The following BCKDHB variants were observed in gnomAD, a reference collection of about 807,000 sequenced individuals.
BCKDHB encodes branched chain keto acid dehydrogenase E1 subunit beta, also known as 2-oxoisovalerate dehydrogenase subunit beta, mitochondrial.
Under a neutral mutation model 48.5 loss-of-function variants are expected in BCKDHB, and 41 were observed. That is an observed-to-expected ratio of 0.85 (90% CI 0.66 to 1.10). BCKDHB has a LOEUF of 1.10. Among genes scored for constraint, BCKDHB ranks in the 50% least tolerant of loss-of-function variants. BCKDHB has a pLI of 0.00. For synonymous variants in BCKDHB, 201 were observed against 174.8 expected, an observed-to-expected ratio of 1.15 and a Z score of -1.18; for missense variants, 496 against 494.2, an observed-to-expected ratio of 1.00 and a Z score of -0.03.
At chr6:80,139,363 C>G (rs1389476578) in intron 3 of BCKDHB, among the ~76,000 whole-genome samples, 2 of 152,118 alleles carry the variant, frequency 1.3e-5, no homozygotes, top group South Asian at 4.1e-4. Context: ...GTGTTTTAGA[C>G]ATGAAGTCCT....
At chr6:80,114,008 A>G (rs1769552230) in intron 1 of BCKDHB, among the ~76,000 whole-genome samples, 1 of 152,200 alleles carries the variant, frequency 6.6e-6, no homozygotes, top group Non-Finnish European at 1.5e-5. Flanking sequence ...GGAGGGGATC[A>G]ATCAAAGGTA....
intron 8 of BCKDHB, among the ~76,000 whole-genome samples, chr6:80,209,644 A>T (rs1260468235): frequency 6.6e-6 from 1 of 151,994 alleles, no homozygotes; most frequent in Non-Finnish European, 1.5e-5. Context: ...TAATTATATT[A>T]ACTCTTACCA....
At chr6:80,465,979 A>G in the BCKDHB span, 1 of 152,208 alleles carries the variant, frequency 6.6e-6, no homozygotes, top group Non-Finnish European at 1.5e-5. Context: ...AATGGAAAGA[A>G]CCAGGAAGAA....
intron 3 of BCKDHB, among the ~76,000 whole-genome samples, chr6:80,150,940 A>G (rs1191524711): frequency 6.6e-6 from 1 of 152,190 alleles, no homozygotes; most frequent in Non-Finnish European, 1.5e-5. Flanking sequence ...TGAGCTGAAT[A>G]CTGTCCTTAA....
chr6:80,376,790 C>G, the BCKDHB span, among the ~76,000 whole-genome samples: 1 of 152,096 alleles, frequency 6.6e-6, no homozygotes, highest in African/African-American at 2.4e-5. Flanking sequence ...CTTGAAAGAG[C>G]AACTTGTCTT....
intron 3 of BCKDHB, among the ~76,000 whole-genome samples, chr6:80,149,228 A>G (rs1051205348): frequency 3.3e-5 from 5 of 152,232 alleles, no homozygotes; most frequent in African/African-American, 4.8e-5. Context: ...AATGCTCACC[A>G]TCACTGGCCA....
At chr6:80,188,391 A>C (rs754691532) in intron 6 of BCKDHB, among the ~76,000 whole-genome samples, 2 of 152,056 alleles carry the variant, frequency 1.3e-5, no homozygotes, top group Non-Finnish European at 2.9e-5. Flanking sequence ...GATCAGAATA[A>C]TACCTATCAC....
the BCKDHB span, among the ~76,000 whole-genome samples, chr6:80,366,293 C>T: frequency 6.6e-6 from 1 of 152,180 alleles, no homozygotes; most frequent in African/African-American, 2.4e-5. Context: ...AGATGCGTAT[C>T]ATGGGACACA....
chr6:80,171,413 A>G (rs765492136), intron 6 of BCKDHB, 23 bp downstream of exon 6: 14 of 1,390,458 alleles, frequency 1.0e-5, no homozygotes, highest in Non-Finnish European at 1.3e-5. Flanking sequence ...TTTATTTTAT[A>G]TTTGTGAATA....
chr6:80,265,764 C>G (rs1002230483), intron 8 of BCKDHB, among the ~76,000 whole-genome samples: 3 of 151,868 alleles, frequency 2.0e-5, no homozygotes, highest in African/African-American at 7.3e-5. Context: ...AAACTTGGAA[C>G]AATATAATAG....
intron 8 of BCKDHB, among the ~76,000 whole-genome samples, chr6:80,229,829 A>C (rs1278823020): frequency 6.6e-6 from 1 of 151,996 alleles, no homozygotes; most frequent in Non-Finnish European, 1.5e-5. Flanking sequence ...TATCCTATTT[A>C]TAATTGAAAC....
chr6:80,210,135 C>CAAAAAAAAA (rs61476553), intron 8 of BCKDHB, among the ~76,000 whole-genome samples: 3 of 113,008 alleles, frequency 2.7e-5, no homozygotes, highest in Non-Finnish European at 3.7e-5. Flanking sequence ...AAGAAATATA[C>CAAAAAAAAA]AAAAAAAAAA....
At chr6:80,188,663 A>G (rs1773760150) in intron 6 of BCKDHB, among the ~76,000 whole-genome samples, 1 of 151,808 alleles carries the variant, frequency 6.6e-6, no homozygotes, top group Non-Finnish European at 1.5e-5. Context: ...AAACCCCAAA[A>G]CCCAAAAAAC....
At chr6:80,308,597 CT>C (rs34359456) in intron 9 of BCKDHB, among the ~76,000 whole-genome samples, 16,523 of 138,460 alleles carry the variant, frequency 0.12, 1,466 homozygotes, top group African/African-American at 0.26. Flanking sequence ...TCTTCTTCTT[CT>C]TTTTTTTTTT....
intron 1 of BCKDHB, among the ~76,000 whole-genome samples, chr6:80,107,423 ATGTGTGTGTG>A (rs60917181): frequency 2.7e-5 from 2 of 73,222 alleles, no homozygotes; most frequent in African/African-American, 6.7e-5. Flanking sequence ...AATTGTGTGT[ATGTGTGTGTG>A]TGTGTGTGTG....
At chr6:80,282,645 G>A (rs1304489520) in intron 9 of BCKDHB, among the ~76,000 whole-genome samples, 1 of 151,958 alleles carries the variant, frequency 6.6e-6, no homozygotes, top group African/African-American at 2.4e-5. Context: ...TCACCTGTAT[G>A]CAAACCTACA....
intron 9 of BCKDHB, among the ~76,000 whole-genome samples, chr6:80,322,238 C>CTTTTTTTTTTTT (rs776940885): frequency 8.6e-5 from 10 of 116,652 alleles, no homozygotes; most frequent in Non-Finnish European, 1.5e-4. Flanking sequence ...TCTTTCTTTT[C>CTTTTTTTTTTTT]TTTTTTTTTT....
chr6:80,369,949 T>C, the BCKDHB span, among the ~76,000 whole-genome samples: 1 of 152,248 alleles, frequency 6.6e-6, no homozygotes, highest in Non-Finnish European at 1.5e-5. Flanking sequence ...ATAGTAATCC[T>C]CTAATTTTGA....
chr6:80,425,761 G>A, the BCKDHB span, among the ~76,000 whole-genome samples: 2 of 152,116 alleles, frequency 1.3e-5, no homozygotes, highest in Non-Finnish European at 2.9e-5. Context: ...GCTGTGTTTT[G>A]TATTTGGAAA....
Sources: gnomAD v4.1 joint callset for allele counts (sites outside exome capture counted in the v4.1 genomes callset) on GRCh38, gnomAD v4.1.1 for gene constraint, MANE v1.5 for transcripts, NCBI Gene and HGNC (gene_info 2026-07-23, HGNC 2026-07-21) for gene names.